The following PLEKHM3 variants were observed in gnomAD, a reference collection of about 807,000 sequenced individuals.
The protein encoded by PLEKHM3 is pleckstrin homology domain containing M3.
Under a neutral mutation model 81.8 loss-of-function variants are expected in PLEKHM3, and 45 were observed. The ratio of observed to expected loss-of-function variants is 0.55; its 90% CI spans 0.43 to 0.71. The LOEUF is 0.71. Ranked by LOEUF, PLEKHM3 falls within the 30% of genes least tolerant of loss-of-function variation. The pLI, the probability that PLEKHM3 is intolerant of heterozygous loss-of-function variation, is 0.00. For missense variants in PLEKHM3, 788 were observed against 924.3 expected (o/e 0.85, Z 1.91); for synonymous variants, 352 against 356.4 (o/e 0.99, Z 0.14).
intron 7 of PLEKHM3, among the ~76,000 whole-genome samples, chr2:207,841,677 C>CT (rs1010072097): frequency 6.6e-6 from 1 of 151,088 alleles, no homozygotes; most frequent in East Asian, 1.9e-4. Flanking sequence ...TGGAATAATA[C>CT]TTTTTTTGTT....
intron 1 of PLEKHM3, among the ~76,000 whole-genome samples, chr2:208,011,635 TAA>T (rs1219552161): frequency 6.6e-6 from 1 of 151,710 alleles, no homozygotes; most frequent in Non-Finnish European, 1.5e-5. Context: ...GGGTGAGGAA[TAA>T]AAGACTACAA....
intron 1 of PLEKHM3, among the ~76,000 whole-genome samples, chr2:208,006,907 A>G (rs557713987): frequency 6.6e-6 from 1 of 152,346 alleles, no homozygotes; most frequent in South Asian, 2.1e-4. Flanking sequence ...GTGTATCGCT[A>G]TTTCCTAACT....
chr2:207,871,053 A>T (rs1023438393), intron 6 of PLEKHM3, among the ~76,000 whole-genome samples: 6 of 152,146 alleles, frequency 3.9e-5, no homozygotes, highest in Admixed American at 1.3e-4. Context: ...GGCTGCAGTG[A>T]ACTACGAGCT....
At chr2:207,985,697 T>C (rs1691691331) in intron 2 of PLEKHM3, among the ~76,000 whole-genome samples, 1 of 152,098 alleles carries the variant, frequency 6.6e-6, no homozygotes, top group Non-Finnish European at 1.5e-5. Flanking sequence ...AAAAATACCA[T>C]GTTCTGGCCG....
At chr2:207,833,432 G>A (rs2092299856) in intron 7 of PLEKHM3, among the ~76,000 whole-genome samples, 1 of 151,730 alleles carries the variant, frequency 6.6e-6, no homozygotes, top group Non-Finnish European at 1.5e-5. Flanking sequence ...TCCTCCCTTT[G>A]CAGTGTCTGC....
At chr2:207,833,009 G>A (rs2092297005) in intron 7 of PLEKHM3, among the ~76,000 whole-genome samples, 1 of 151,200 alleles carries the variant, frequency 6.6e-6, no homozygotes, top group Admixed American at 6.6e-5. Context: ...CTACCTGTGA[G>A]GCTAAGGCAC....
chr2:208,007,835 C>G (rs1488536596), intron 1 of PLEKHM3, among the ~76,000 whole-genome samples: 3 of 152,160 alleles, frequency 2.0e-5, no homozygotes, highest in Non-Finnish European at 4.4e-5. Context: ...GCGGGTGGAT[C>G]ACAAGGTCAG....
intron 1 of PLEKHM3, among the ~76,000 whole-genome samples, chr2:208,004,590 G>A (rs1023092634): frequency 6.6e-6 from 1 of 152,056 alleles, no homozygotes; most frequent in Non-Finnish European, 1.5e-5. Flanking sequence ...GAAGGTAAGA[G>A]GCCCCACGAG....
chr2:207,914,681 CAAAAA>C (rs34724181), intron 5 of PLEKHM3, among the ~76,000 whole-genome samples: 11 of 112,818 alleles, frequency 9.8e-5, no homozygotes, highest in Admixed American at 9.7e-5. Flanking sequence ...GACCCTGTGT[CAAAAA>C]AAAAAAAAAA....
chr2:207,975,589 T>C, intron 3 of PLEKHM3, among the ~76,000 whole-genome samples: 1 of 129,644 alleles, frequency 7.7e-6, no homozygotes, highest in South Asian at 2.7e-4. Context: ...AAGCTTTTTT[T>C]TTTTTTTTTT....
chr2:207,930,592 A>C (rs544457682), intron 5 of PLEKHM3, among the ~76,000 whole-genome samples: 28 of 152,302 alleles, frequency 1.8e-4, no homozygotes, highest in Non-Finnish European at 3.5e-4. Flanking sequence ...AAAATACTAC[A>C]TAAGTGACCA....
In PLEKHM3 at chr2:207,823,717, G is replaced by C. The variant is rs1559194611; in HGVS notation, c.*4602C>G. On this transcript the variant is annotated 3_prime_UTR_variant, in exon 8 of 8. Coordinates refer to ENST00000427836, the MANE Select transcript of PLEKHM3 (RefSeq NM_001080475.3). ...GCCTCCCAAAGGGCTGGGATTACAG[G>C]CGTGAGCCACCAATCCTGGCCAAGT... The C allele has an allele frequency of 6.6e-6, 1 of 152,318 alleles. No individual in the cohort carries two copies. Among genetic ancestry groups the C allele is most frequent in the Non-Finnish European group, 1.5e-5 (1 of 68,132 alleles). The allele number at this position is 152,318 out of a possible 1,614,324, so 9.4% of individuals were successfully genotyped here. A position where few individuals can be genotyped will look rare whatever the true frequency, so the allele number is the denominator to read the frequency against.
In PLEKHM3 at chr2:208,000,927, A is replaced by G. The variant is rs186314063; in HGVS notation, c.610+103T>C. On this transcript the variant is annotated intron_variant, in intron 2 of 7. Coordinates refer to ENST00000427836, the MANE Select transcript of PLEKHM3 (RefSeq NM_001080475.3). Reference sequence around the variant, plus strand: ...AAGAGAGACAAAGGAAAAACCAACAATGATTCAGTAGAAGTCAGATATAAA... The same window carrying G: ...AAGAGAGACAAAGGAAAAACCAACAGTGATTCAGTAGAAGTCAGATATAAA... 3.6e-6 allele frequency: 4 copies of G among 1,120,002 alleles called. No individual in the cohort carries two copies. The South Asian group carries it at 5.4e-5, about 15-fold the overall frequency. The allele number at this position is 1,120,002 out of a possible 1,614,324, so 69.4% of individuals were successfully genotyped here. A position where few individuals can be genotyped will look rare whatever the true frequency, so the allele number is the denominator to read the frequency against.
chr2:207,983,393 C>T (rs1429623218), intron 2 of PLEKHM3, among the ~76,000 whole-genome samples: 1 of 152,038 alleles, frequency 6.6e-6, no homozygotes, highest in Non-Finnish European at 1.5e-5. Context: ...GCACACCTAA[C>T]CCAAGTTATT....
intron 1 of PLEKHM3, among the ~76,000 whole-genome samples, chr2:208,003,385 C>T (rs1692379771): frequency 6.6e-6 from 1 of 152,108 alleles, no homozygotes; most frequent in Admixed American, 6.6e-5. Context: ...TTTGTAAAAA[C>T]TTCACAATTT....
chr2:207,905,773 C>T (rs948526534), intron 6 of PLEKHM3, among the ~76,000 whole-genome samples: 2 of 152,064 alleles, frequency 1.3e-5, no homozygotes, highest in African/African-American at 4.8e-5. Context: ...GCTGCCCCAC[C>T]CACAGGGTGT....
At chr2:207,928,217 C>A (rs551837424) in intron 5 of PLEKHM3, among the ~76,000 whole-genome samples, 41 of 152,284 alleles carry the variant, frequency 2.7e-4, no homozygotes, top group African/African-American at 9.6e-4. Context: ...GAATCAATGT[C>A]TCATTGTTGG....
rs1690733733 is a variant in PLEKHM3 at position 207,961,543 on chromosome 2, G to T, written c.1547-15031C>A. On this transcript the variant is annotated intron_variant, in intron 3 of 7. Transcript: ENST00000427836. ...GTACGACATTTTTTTTCAGTTAAAG[G>T]TAATAAATAAAATCAATTCTGTGGT... Among the ~76,000 whole-genome samples the T allele has an allele frequency of 2.6e-5, 4 of 152,046 alleles. No homozygotes were observed. In the South Asian group the frequency reaches 8.3e-4, roughly 32 times the overall value.
rs1400817841 is a variant in PLEKHM3 at position 207,944,990 on chromosome 2, GT to G, written c.1692+1376del. Among the ~76,000 whole-genome samples the G allele has an allele frequency of 1.4e-4, 22 of 152,050 alleles. No individual in the cohort carries two copies. In the East Asian group the frequency reaches 4.4e-3, roughly 30 times the overall value. ...CTTCTCAAAAGAGTTGTCTATTCTT[GT>G]TTCTTGTTTCTCTCTCTCTATTCTA... On this transcript the variant is annotated intron_variant, in intron 4 of 7. Transcript: ENST00000427836.
Sources: gnomAD v4.1 joint callset for allele counts (sites outside exome capture counted in the v4.1 genomes callset) on GRCh38, gnomAD v4.1.1 for gene constraint, MANE v1.5 for transcripts, NCBI Gene and HGNC (gene_info 2026-07-23, HGNC 2026-07-21) for gene names.